Variants in PPIL4 observed in about 807,000 individuals in gnomAD.
PPIL4 encodes the protein peptidyl-prolyl cis-trans isomerase-like 4.
A neutral mutation model predicts 69.1 loss-of-function variants in PPIL4; 50 were observed. That is an observed-to-expected ratio of 0.72 (90% CI 0.58 to 0.92). The LOEUF (loss-of-function observed/expected upper bound fraction) is 0.92. Ranked by LOEUF, PPIL4 falls within the 40% of genes least tolerant of loss-of-function variation. The pLI is 0.00. For missense variants in PPIL4, 480 were observed against 587.9 expected, an observed-to-expected ratio of 0.82 and a Z score of 1.90; for synonymous variants, 193 against 191.6, an observed-to-expected ratio of 1.01 and a Z score of -0.06.
At chr6:149,534,647 G>A in intron 6 of PPIL4, 31 bp downstream of exon 6, 1 of 1,059,324 alleles carries the variant, frequency 9.4e-7, no homozygotes, top group Admixed American at 2.2e-5. Flanking sequence ...TAATATGAAT[G>A]TACATTTAAT....
rs768744162 is a variant in PPIL4 at position 149,521,054 on chromosome 6, T to C, written c.982+6A>G. On this transcript the variant is annotated splice_donor_region_variant and intron_variant, in intron 10 of 12. Transcript: ENST00000253329. ...CAGAACAAAAACAAAAGATAAACCA[T>C]CATACCTTTTCCTTTCCATTTAACC... 12 of 1,347,082 alleles carry C rather than the reference T, an allele frequency of 8.9e-6. No individual in the cohort carries two copies. In the East Asian group the frequency reaches 2.5e-4, roughly 29 times the overall value. 83.4% of individuals were successfully genotyped at this position (1,347,082 alleles called of 1,614,324 possible).
In PPIL4 at chr6:149,521,076, A is replaced by T; in HGVS notation, c.966T>A (p.Val322=). ...CCATCATACCTTTTCCTTTCCATTT[A>T]ACCTTTGCAACCGACTGGCTAAAAT... ...HVDFSQSVAK[V]KWKGKGGKYT... The change falls in exon 10 of 13, where the codon GTT becomes GTA. Residue 322 remains valine, a synonymous_variant. Transcript: ENST00000253329. 6.3e-7 allele frequency: 1 copy of T among 1,581,232 alleles called. No homozygotes were observed. Among genetic ancestry groups the T allele is most frequent in the Non-Finnish European group, 8.7e-7 (1 of 1,153,552 alleles).
Position 149,512,138 on chromosome 6 carries a change from C to A in PPIL4, c.1227+17G>T, listed in dbSNP as rs1776853877. ...AATATTTATTTCTCCACATCTAAGT[C>A]TGGACATTAGAGGTACCTGATTAGT... On this transcript the variant is annotated intron_variant, in intron 12 of 12. Coordinates refer to ENST00000253329, the MANE Select transcript of PPIL4 (RefSeq NM_139126.4). The A allele has an allele frequency of 1.3e-6, 2 of 1,572,592 alleles. No individual in the cohort carries two copies. The highest frequency in any genetic ancestry group is 8.7e-7 in the Non-Finnish European group (1 of 1,155,088).
chr6:149,541,667 T>C (rs1236793463), intron 1 of PPIL4, 81 bp from the exon 2 acceptor site: 16 of 804,788 alleles, frequency 2.0e-5, no homozygotes, highest in Non-Finnish European at 3.1e-5. Flanking sequence ...TAAAATGTAA[T>C]TTCTAAATTA....
intron 11 of PPIL4, 121 bp downstream of exon 11, chr6:149,517,233 A>C (rs1002478944): frequency 2.7e-5 from 17 of 636,600 alleles, no homozygotes; most frequent in Non-Finnish European, 4.7e-5. Context: ...CCTCACAAAC[A>C]ATCTGGATTC....
intron 7 of PPIL4, among the ~76,000 whole-genome samples, chr6:149,532,976 T>C (rs1361693037): frequency 6.6e-6 from 1 of 152,192 alleles, no homozygotes; most frequent in Non-Finnish European, 1.5e-5. Flanking sequence ...TAATACCAAG[T>C]AGGTCAATTA....
chr6:149,541,389 G>A lies in PPIL4; in HGVS notation c.181C>T (p.Arg61Cys), dbSNP rs755983989. 8.1e-6 allele frequency: 12 copies of A among 1,474,914 alleles called. No homozygotes were observed. Among genetic ancestry groups the A allele is most frequent in the African/African-American group, 1.4e-5 (1 of 70,556 alleles). The allele number at this position is 1,474,914 out of a possible 1,614,324, so 91.4% of individuals were successfully genotyped here. Residue 61 changes from arginine to cysteine, a missense_variant, in exon 3 of 13, where the codon CGT (arginine) becomes TGT (cysteine). Arg to Cys is a radical substitution (Grantham distance 180). Coordinates refer to ENST00000253329, the MANE Select transcript of PPIL4 (RefSeq NM_139126.4). The part of the protein sequence containing the change: ...IQTGDPTGTG[R>C]GGESIFGQLY... ...TACCCAAAGATAGACTCTCCTCCAC[G>A]GCCAGTCCCTGTAGGATCGCCAGTT...
rs201365017 is a variant in PPIL4, at chr6:149,535,657, T to C, written c.403A>G (p.Ile135Val). The change falls in exon 5 of 13, where the codon ATA (isoleucine) becomes GTA (valine). Residue 135 changes from isoleucine (I) to valine (V), a missense_variant. Physicochemically the swap from Ile to Val is conservative, Grantham distance 29 (BLOSUM62 3). Coordinates refer to ENST00000253329, the MANE Select transcript of PPIL4 (RefSeq NM_139126.4). ...VFGEVTEGMD[I>V]IKKINETFVD... ...AAGGTCTCATTAATTTTCTTAATTA[T>C]GTCCATGCCTTCTGTCACCTCACCA... 1.9e-6 allele frequency: 3 copies of C among 1,611,822 alleles called. No individual in the cohort carries two copies. Among genetic ancestry groups the C allele is most frequent in the East Asian group, 2.2e-5 (1 of 44,836 alleles).
At chr6:149,539,786 A>G (rs1376271180) in intron 4 of PPIL4, among the ~76,000 whole-genome samples, 2 of 152,208 alleles carry the variant, frequency 1.3e-5, no homozygotes, top group South Asian at 2.1e-4. Flanking sequence ...ACCAGCAAAA[A>G]GATTATGATT....
At chr6:149,535,525 A>G (rs1777263003) in intron 5 of PPIL4, 71 bp downstream of exon 5, 1 of 1,248,646 alleles carries the variant, frequency 8.0e-7, no homozygotes, top group Non-Finnish European at 1.1e-6. Flanking sequence ...GTTCCTATCC[A>G]TACCACTACG....
At chr6:149,514,405 A>T (rs909975721) in intron 11 of PPIL4, among the ~76,000 whole-genome samples, 2 of 151,800 alleles carry the variant, frequency 1.3e-5, no homozygotes, top group Admixed American at 6.5e-5. Context: ...CCCTGCAACC[A>T]CCCCATCCAG....
chr6:149,533,992 C>T (rs1777237329), intron 6 of PPIL4, among the ~76,000 whole-genome samples: 1 of 151,950 alleles, frequency 6.6e-6, no homozygotes, highest in African/African-American at 2.4e-5. Flanking sequence ...CCTGTCTCTA[C>T]TAAAAATACA....
At position 149,541,002 on chromosome 6, in the gene PPIL4, C is replaced by T; in HGVS notation, c.261G>A (p.Lys87=). The T allele has an allele frequency of 6.2e-7, 1 of 1,612,740 alleles. No individual in the cohort carries two copies. The highest frequency in any genetic ancestry group is 1.3e-5 in the African/African-American group (1 of 74,966). Residue 87 remains lysine (K), a synonymous_variant, in exon 4 of 13, where the codon AAG becomes AAA. Coordinates refer to ENST00000253329, the MANE Select transcript of PPIL4 (RefSeq NM_139126.4). ...FFEAEKVPRI[K]HKKKGTVSMV... The stretch of plus-strand genomic sequence containing the variant: ...TGGACACTGTGCCTTTCTTCTTGTG[C>T]TTAATTCTTGGGACTTTTTCTGCCT...
intron 4 of PPIL4, among the ~76,000 whole-genome samples, chr6:149,538,246 CA>C (rs1777308893): frequency 1.3e-5 from 2 of 151,584 alleles, no homozygotes. Flanking sequence ...ACCTGGGTGA[CA>C]GAGTGAGAAT....
chr6:149,543,386 A>AT (rs1198456880), intron 1 of PPIL4, among the ~76,000 whole-genome samples: 1 of 152,186 alleles, frequency 6.6e-6, no homozygotes, highest in Admixed American at 6.5e-5. Context: ...GTTTCTCAAA[A>AT]TTTTTTCAAG....
At chr6:149,545,799 A>G (rs946499545) in intron 1 of PPIL4, 137 bp downstream of exon 1, 1 of 774,042 alleles carries the variant, frequency 1.3e-6, no homozygotes, top group Non-Finnish European at 2.1e-6. Flanking sequence ...CCGGTTAATA[A>G]AATAGCCCAG....
intron 12 of PPIL4, among the ~76,000 whole-genome samples, chr6:149,510,843 T>C (rs1183961174): frequency 1.3e-5 from 2 of 151,852 alleles, no homozygotes; most frequent in African/African-American, 4.8e-5. Flanking sequence ...AACTAGTAAT[T>C]TGCTTTAACA....
rs1005426720 is a variant in PPIL4 at position 149,525,102 on chromosome 6, A to T, written c.870+41T>A. 5 of 1,071,294 alleles carry T rather than the reference A, an allele frequency of 4.7e-6. No individual in the cohort carries two copies. The African/African-American group carries it at 8.1e-5, about 17-fold the overall frequency. The allele number at this position is 1,071,294 out of a possible 1,614,324, so 66.4% of individuals were successfully genotyped here. Reference sequence around the variant, plus strand: ...TTTTTCACATTTTAATACCATATAAAAGCAAATAAATACCAAACTTATGTC... The same window carrying T: ...TTTTTCACATTTTAATACCATATAATAGCAAATAAATACCAAACTTATGTC... On this transcript the variant is annotated intron_variant, in intron 9 of 12. Transcript: ENST00000253329.
chr6:149,537,761 C>T (rs1227875787), intron 4 of PPIL4, among the ~76,000 whole-genome samples: 1 of 151,710 alleles, frequency 6.6e-6, no homozygotes, highest in African/African-American at 2.4e-5. Context: ...AGAAATGGAA[C>T]AACAAAGCTT....
Sources: gnomAD v4.1 joint callset for allele counts (sites outside exome capture counted in the v4.1 genomes callset) on GRCh38, gnomAD v4.1.1 for gene constraint, MANE v1.5 for transcripts, NCBI Gene and HGNC (gene_info 2026-07-23, HGNC 2026-07-21) for gene names.